Variants in NCAM2 observed in about 807,000 individuals in gnomAD.
The protein encoded by NCAM2 is N-CAM-2.
A neutral mutation model predicts 98.1 loss-of-function variants in NCAM2; 30 were observed. That is an observed-to-expected ratio of 0.31 (90% CI 0.23 to 0.41). The LOEUF (loss-of-function observed/expected upper bound fraction) is 0.41. NCAM2 is among the 10% of genes least tolerant of loss of function. The pLI, the probability that NCAM2 is intolerant of heterozygous loss-of-function variation, is 1.00. For missense variants in NCAM2, 867 were observed against 1,005.8 expected (o/e 0.86, Z 1.87); for synonymous variants, 368 against 342.4 (o/e 1.07, Z -0.83).
At chr21:21,397,709 G>A (rs1413801850) in intron 9 of NCAM2, among the ~76,000 whole-genome samples, 1 of 152,218 alleles carries the variant, frequency 6.6e-6, no homozygotes, top group Non-Finnish European at 1.5e-5. Flanking sequence ...GGAGTGCAGG[G>A]CTCCCACCCC....
chr21:21,394,469 C>CTTTT lies in NCAM2; in HGVS notation c.1196-15771_1196-15768dup, dbSNP rs532068473. On this transcript the variant is annotated intron_variant, in intron 9 of 17. Coordinates refer to ENST00000400546, the MANE Select transcript of NCAM2 (RefSeq NM_004540.5). ...GACCTTAGTTAATTTAAGGGGCCAG[C>CTTTT]TTTTTTTTTTTTTTTTTTTTTTTTT... Among the ~76,000 whole-genome samples, 46 of 57,672 alleles carry CTTTT rather than the reference C, an allele frequency of 8.0e-4. 9 individuals are homozygous for CTTTT. Among genetic ancestry groups the CTTTT allele is most frequent in the African/African-American group, 2.1e-3 (27 of 12,602 alleles). The allele number at this position is 57,672 out of a possible 152,430, so 37.8% of individuals were successfully genotyped here. A position where few individuals can be genotyped will look rare whatever the true frequency, so the allele number is the denominator to read the frequency against.
chr21:21,467,227 G>A (rs972521054), intron 13 of NCAM2, among the ~76,000 whole-genome samples: 4 of 151,654 alleles, frequency 2.6e-5, no homozygotes, highest in African/African-American at 9.7e-5. Context: ...GGAATTGTAA[G>A]TTAATTGAGT....
At chr21:21,344,682 C>A (rs948969388) in intron 8 of NCAM2, among the ~76,000 whole-genome samples, 1 of 152,128 alleles carries the variant, frequency 6.6e-6, no homozygotes, top group East Asian at 1.9e-4. Flanking sequence ...ACCTCTGGAC[C>A]CACCTGGGGC....
At chr21:21,146,666 AT>A (rs2067284185) in intron 1 of NCAM2, among the ~76,000 whole-genome samples, 1 of 151,760 alleles carries the variant, frequency 6.6e-6, no homozygotes, top group Non-Finnish European at 1.5e-5. Flanking sequence ...AAAAACTTAA[AT>A]TCACAGTTTC....
intron 1 of NCAM2, among the ~76,000 whole-genome samples, chr21:21,160,913 A>G (rs1008360304): frequency 2.0e-5 from 3 of 152,068 alleles, no homozygotes; most frequent in Non-Finnish European, 2.9e-5. Flanking sequence ...TGAGCCCTAT[A>G]GCACTGAATA....
intron 1 of NCAM2, among the ~76,000 whole-genome samples, chr21:21,032,944 CTTTTTT>C (rs61400853): frequency 1.3e-5 from 2 of 148,646 alleles, no homozygotes; most frequent in Non-Finnish European, 3.0e-5. Context: ...TTCTTTCTTT[CTTTTTT>C]TTTTTTTTTT....
At chr21:21,362,291 A>C (rs1387895565) in intron 8 of NCAM2, among the ~76,000 whole-genome samples, 6 of 152,158 alleles carry the variant, frequency 3.9e-5, no homozygotes, top group Non-Finnish European at 1.5e-5. Context: ...AAAGCCTTTA[A>C]TAGTCTCATA....
chr21:21,016,042 A>G lies in NCAM2; in HGVS notation c.55+17424A>G, dbSNP rs147910520. ...TCTTTAGTTGATTTTCTTTGGAGGAAAAATCCCCTTACCCTGTGTTGTCTA... is the reference window on the plus strand; with the variant it reads ...TCTTTAGTTGATTTTCTTTGGAGGAGAAATCCCCTTACCCTGTGTTGTCTA... On this transcript the variant is annotated intron_variant, in intron 1 of 17. Transcript: ENST00000400546. 2.3e-4 allele frequency among the ~76,000 whole-genome samples: 35 copies of G among 152,232 alleles called. No individual in the cohort carries two copies. The East Asian group carries it at 6.4e-3, about 28-fold the overall frequency.
intron 1 of NCAM2, among the ~76,000 whole-genome samples, chr21:21,044,631 G>A (rs912802387): frequency 3.3e-5 from 5 of 152,108 alleles, no homozygotes; most frequent in African/African-American, 1.2e-4. Flanking sequence ...AAAGAATTAT[G>A]TTCTGTAAAT....
At chr21:21,106,314 C>CAAAAAAAAAAAAAAAAAAAAAAAAAAAAA (rs202018731) in intron 1 of NCAM2, among the ~76,000 whole-genome samples, 11 of 103,474 alleles carry the variant, frequency 1.1e-4, no homozygotes, top group East Asian at 3.2e-4. Flanking sequence ...GTCTCAAAAG[C>CAAAAAAAAAAAAAAAAAAAAAAAAAAAAA]AAAAAAAAAA....
intron 1 of NCAM2, among the ~76,000 whole-genome samples, chr21:21,222,606 C>T (rs186797523): frequency 7.4e-4 from 112 of 152,190 alleles, no homozygotes; most frequent in African/African-American, 2.3e-3. Flanking sequence ...TGGAGCATGA[C>T]GATGTGACAT....
chr21:21,316,494 C>G (rs931040291), intron 5 of NCAM2, among the ~76,000 whole-genome samples: 4 of 150,186 alleles, frequency 2.7e-5, no homozygotes, highest in Non-Finnish European at 5.9e-5. Flanking sequence ...ATGACCCTTT[C>G]TCCAACATCT....
At chr21:21,179,063 C>T (rs2061045623) in intron 1 of NCAM2, among the ~76,000 whole-genome samples, 1 of 152,070 alleles carries the variant, frequency 6.6e-6, no homozygotes, top group African/African-American at 2.4e-5. Context: ...GCTTTCAGAG[C>T]TGCCTCTGAA....
In NCAM2 at chr21:21,419,615, G is replaced by T. The variant is rs1378455829; in HGVS notation, c.1480+1046G>T. Among the ~76,000 whole-genome samples the T allele has an allele frequency of 6.7e-5, 10 of 149,086 alleles. No homozygotes were observed. In the East Asian group the frequency reaches 1.8e-3, roughly 27 times the overall value. On this transcript the variant is annotated intron_variant, in intron 11 of 17. Coordinates refer to ENST00000400546, the MANE Select transcript of NCAM2 (RefSeq NM_004540.5). ...TATGAGTGAGAACAGGCGGTGTTTG[G>T]TTTTTTGTCCTTGTGATAGTTTGCT...
chr21:21,080,724 A>C (rs559426892), intron 1 of NCAM2, among the ~76,000 whole-genome samples: 2 of 148,330 alleles, frequency 1.3e-5, no homozygotes, highest in East Asian at 4.1e-4. Flanking sequence ...TCTCTAAATT[A>C]TTGTAGAATT....
chr21:21,179,332 T>C (rs2068395128), intron 1 of NCAM2, among the ~76,000 whole-genome samples: 2 of 152,188 alleles, frequency 1.3e-5, no homozygotes, highest in African/African-American at 4.8e-5. Flanking sequence ...TCTGATAGTC[T>C]ACTTATTTCT....
chr21:21,026,009 C>A (rs1436405787), intron 1 of NCAM2, among the ~76,000 whole-genome samples: 2 of 151,982 alleles, frequency 1.3e-5, no homozygotes, highest in Non-Finnish European at 2.9e-5. Flanking sequence ...TGGAGAATAA[C>A]CTAAAGCTTG....
At chr21:21,449,492 A>T (rs1243193672) in intron 12 of NCAM2, among the ~76,000 whole-genome samples, 1 of 152,042 alleles carries the variant, frequency 6.6e-6, no homozygotes, top group Non-Finnish European at 1.5e-5. Flanking sequence ...ATCCCAGTGA[A>T]GAATTCTTGT....
chr21:21,331,022 A>G (rs544404960), intron 6 of NCAM2, among the ~76,000 whole-genome samples: 20 of 151,966 alleles, frequency 1.3e-4, no homozygotes, highest in Non-Finnish European at 2.6e-4. Context: ...CTCTCTTACC[A>G]TTCTCATGTT....
Sources: gnomAD v4.1 joint callset for allele counts (sites outside exome capture counted in the v4.1 genomes callset) on GRCh38, gnomAD v4.1.1 for gene constraint, MANE v1.5 for transcripts, NCBI Gene and HGNC (gene_info 2026-07-23, HGNC 2026-07-21) for gene names.